Variants in SLC24A4 observed in about 807,000 individuals in gnomAD.
SLC24A4 encodes sodium/potassium/calcium exchanger 4.
Under a neutral mutation model 79.0 loss-of-function variants are expected in SLC24A4, and 53 were observed. The observed-to-expected ratio is 0.67, with a 90% CI of 0.54 to 0.84. The LOEUF is 0.84. Ranked by LOEUF, SLC24A4 falls within the 40% of genes least tolerant of loss-of-function variation. The pLI, the probability that SLC24A4 is intolerant of heterozygous loss-of-function variation, is 0.00. For synonymous variants in SLC24A4, 323 were observed against 323.8 expected, an observed-to-expected ratio of 1.00 and a Z score of 0.03; for missense variants, 731 against 822.0, an observed-to-expected ratio of 0.89 and a Z score of 1.35.
At chr14:92,452,712 C>T (rs1400247436) in intron 10 of SLC24A4, 3 of 152,340 alleles carry the variant, frequency 2.0e-5, no homozygotes, top group South Asian at 4.1e-4. Flanking sequence ...AACCACAAGC[C>T]CAGCCCACCA....
At chr14:92,349,632 C>G (rs1886757940) in intron 2 of SLC24A4, among the ~76,000 whole-genome samples, 1 of 152,214 alleles carries the variant, frequency 6.6e-6, no homozygotes. Flanking sequence ...AATATCACAA[C>G]AAGGATACTG....
chr14:92,403,621 A>G (rs1186330294), intron 2 of SLC24A4, among the ~76,000 whole-genome samples: 1 of 151,586 alleles, frequency 6.6e-6, no homozygotes, highest in East Asian at 1.9e-4. Flanking sequence ...AAAAAAAAAA[A>G]AGCTCTGAGA....
intron 2 of SLC24A4, among the ~76,000 whole-genome samples, chr14:92,326,433 G>A (rs1325693749): frequency 6.6e-6 from 1 of 152,102 alleles, no homozygotes; most frequent in African/African-American, 2.4e-5. Flanking sequence ...GGGACACTCT[G>A]GGGTGCTGCG....
chr14:92,482,034 G>C (rs1408435419), intron 12 of SLC24A4, among the ~76,000 whole-genome samples: 1 of 152,222 alleles, frequency 6.6e-6, no homozygotes, highest in Admixed American at 6.5e-5. Flanking sequence ...TCTTGCACCA[G>C]TCTTGACTAC....
chr14:92,435,660 G>T (rs1384518490), intron 3 of SLC24A4, among the ~76,000 whole-genome samples: 1 of 152,170 alleles, frequency 6.6e-6, no homozygotes, highest in Non-Finnish European at 1.5e-5. Flanking sequence ...CATTAAGAAA[G>T]TGAAATCTGG....
At position 92,361,776 on chromosome 14, in the gene SLC24A4, G is replaced by A. The variant is rs548768655; in HGVS notation, c.241+35798G>A. On this transcript the variant is annotated intron_variant, in intron 2 of 16. Coordinates refer to ENST00000532405, the MANE Select transcript of SLC24A4 (RefSeq NM_153646.4). ...GGGTGGGGCAGGATGGTGGGCGCTG[G>A]TGTGGGGTCCGATGATGCACTTGGC... Among the ~76,000 whole-genome samples, 45 of 152,232 alleles carry A rather than the reference G, an allele frequency of 3.0e-4. No homozygotes were observed. In the East Asian group the frequency reaches 5.6e-3, roughly 19 times the overall value.
At chr14:92,373,002 TTC>T (rs1463805650) in intron 2 of SLC24A4, among the ~76,000 whole-genome samples, 1 of 145,560 alleles carries the variant, frequency 6.9e-6, no homozygotes, top group Non-Finnish European at 1.5e-5. Flanking sequence ...TCTCTCTTCT[TTC>T]TTTCTTTCTT....
rs574308883 is a variant in SLC24A4, at chr14:92,383,631, G to A, written c.242-50281G>A. On this transcript the variant is annotated intron_variant, in intron 2 of 16. Transcript: ENST00000532405. ...CCCATGCGGCCTCTCTTGCTAGACCGGTAACTTGCTGAGGGCAGAGAGAGA... is the reference window on the plus strand; with the variant it reads ...CCCATGCGGCCTCTCTTGCTAGACCAGTAACTTGCTGAGGGCAGAGAGAGA... Among the ~76,000 whole-genome samples, 17 of 152,272 alleles carry A rather than the reference G, an allele frequency of 1.1e-4. No homozygotes were observed. In the East Asian group the frequency reaches 2.7e-3, roughly 24 times the overall value.
In SLC24A4 at chr14:92,442,694, C is replaced by T. The variant is rs375726451; in HGVS notation, c.479-19C>T. ...GGGACGTGTGGCTGAGGCCCAGGGT[C>T]TGTGTGTTTCCTTTCCAGGGGTGTT... On this transcript the variant is annotated intron_variant, in intron 5 of 16. Transcript: ENST00000532405. The T allele has an allele frequency of 1.3e-5, 21 of 1,573,810 alleles. No homozygotes were observed. The highest frequency in any genetic ancestry group is 1.7e-5 in the Non-Finnish European group (20 of 1,143,804).
intron 2 of SLC24A4, among the ~76,000 whole-genome samples, chr14:92,362,039 T>G (rs1239620238): frequency 1.3e-5 from 2 of 152,150 alleles, no homozygotes; most frequent in Non-Finnish European, 2.9e-5. Flanking sequence ...TAATGAACGC[T>G]GATGGTGGTC....
In SLC24A4 at chr14:92,447,262, C is replaced by T. The variant is rs144885768; in HGVS notation, c.684-109C>T. Reference sequence around the variant, plus strand: ...TGGGTTCTGGGCCCGGCACTAGGGGCGGGGGAGGTAAAGACATCCCGCCCT... The same window carrying T: ...TGGGTTCTGGGCCCGGCACTAGGGGTGGGGGAGGTAAAGACATCCCGCCCT... On this transcript the variant is annotated intron_variant, in intron 8 of 16. Coordinates refer to ENST00000532405, the MANE Select transcript of SLC24A4 (RefSeq NM_153646.4). 828 of 924,412 alleles carry T rather than the reference C, an allele frequency of 9.0e-4. 9 individuals carry two copies. The African/African-American group carries it at 0.011, about 12-fold the overall frequency. The allele number at this position is 924,412 out of a possible 1,614,324, so 57.3% of individuals were successfully genotyped here.
At chr14:92,388,097 T>A (rs1889264942) in intron 2 of SLC24A4, among the ~76,000 whole-genome samples, 1 of 135,448 alleles carries the variant, frequency 7.4e-6, no homozygotes, top group African/African-American at 3.4e-5. Context: ...TAATTCTGTA[T>A]TTAATTTTTT....
At chr14:92,393,378 G>A (rs1889591780) in intron 2 of SLC24A4, among the ~76,000 whole-genome samples, 1 of 152,118 alleles carries the variant, frequency 6.6e-6, no homozygotes, top group African/African-American at 2.4e-5. Context: ...GCTGCGTGGA[G>A]GTCCTGGGAG....
intron 2 of SLC24A4, among the ~76,000 whole-genome samples, chr14:92,410,763 C>G (rs1449022626): frequency 1.3e-5 from 2 of 152,204 alleles, no homozygotes; most frequent in Non-Finnish European, 2.9e-5. Flanking sequence ...AAGTGTAGAG[C>G]AAGAATTTGA....
chr14:92,368,262 A>G (rs189102926), intron 2 of SLC24A4, among the ~76,000 whole-genome samples: 3 of 152,104 alleles, frequency 2.0e-5, no homozygotes, highest in Admixed American at 6.5e-5. Context: ...CTGAGTCACT[A>G]TCAGGAAAAA....
Position 92,323,720 on chromosome 14 carries a change from C to T in SLC24A4, c.-111C>T, listed in dbSNP as rs1346210838. 2.2e-6 allele frequency: 3 copies of T among 1,389,280 alleles called. No homozygotes were observed. Among genetic ancestry groups the T allele is most frequent in the African/African-American group, 2.9e-5 (2 of 68,354 alleles). 86.1% of individuals were successfully genotyped at this position (1,389,280 alleles called of 1,614,324 possible). A position where few individuals can be genotyped will look rare whatever the true frequency, so the allele number is the denominator to read the frequency against. On this transcript the variant is annotated 5_prime_UTR_variant, in exon 1 of 17. Transcript: ENST00000532405. The surrounding 1 kb of genome is among the most constrained non-coding windows in gnomAD (Gnocchi z 4.9). ...GAGGCTTTGGCCCGGAGCTCCTCGC[C>T]TCTGAGTCGCGCACCGCCTGCTCCA...
chr14:92,474,843 G>GTGTGTGTGTGTGTGTGTGTA (rs779007741), intron 12 of SLC24A4, among the ~76,000 whole-genome samples: 7 of 23,874 alleles, frequency 2.9e-4, no homozygotes, highest in African/African-American at 6.8e-4. Context: ...GTGTGTGTGT[G>GTGTGTGTGTGTGTGTGTGTA]TATATATATA....
At chr14:92,349,921 A>G (rs78682977) in intron 2 of SLC24A4, among the ~76,000 whole-genome samples, 18,521 of 152,158 alleles carry the variant, frequency 0.12, 1,200 homozygotes, top group Admixed American at 0.14. Context: ...GGCCATTCCT[A>G]TGGGTTTGGG....
chr14:92,488,059 C>G (rs188812698), intron 14 of SLC24A4, among the ~76,000 whole-genome samples: 3 of 150,636 alleles, frequency 2.0e-5, no homozygotes, highest in Non-Finnish European at 4.4e-5. Context: ...TCTCCTCCTC[C>G]TCCTCCTTCT....
Sources: allele counts gnomAD v4.1 joint callset (sites outside exome capture counted in the v4.1 genomes callset), GRCh38; gene constraint gnomAD v4.1.1; non-coding constraint Gnocchi (gnomAD v3.1); transcripts MANE v1.5; gene names NCBI Gene and HGNC (gene_info 2026-07-23, HGNC 2026-07-21).